The following WIPI2 variants were observed in gnomAD, a reference collection of about 807,000 sequenced individuals.
The protein encoded by WIPI2 is WD repeat domain phosphoinositide-interacting protein 2.
WIPI2 carries 28 observed loss-of-function variants against 52.3 expected under a neutral mutation model. The ratio of observed to expected loss-of-function variants is 0.54; its 90% CI spans 0.40 to 0.73. WIPI2 has a LOEUF of 0.73. Among genes scored for constraint, WIPI2 ranks in the 30% least tolerant of loss-of-function variants. The pLI, the probability that WIPI2 is intolerant of heterozygous loss-of-function variation, is 0.00. For missense variants in WIPI2, 506 were observed against 602.9 expected (o/e 0.84, Z 1.68); for synonymous variants, 268 against 245.0 (o/e 1.09, Z -0.88).
chr7:5,214,300 C>T (rs770636121), intron 3 of WIPI2: 12 of 1,517,926 alleles, frequency 7.9e-6, no homozygotes, highest in African/African-American at 2.8e-5. Context: ...CTTTGTCTTT[C>T]GTGTGAATGC....
intron 12 of WIPI2, among the ~76,000 whole-genome samples, chr7:5,229,996 C>T (rs991312884): frequency 1.3e-5 from 2 of 150,528 alleles, no homozygotes; most frequent in African/African-American, 4.9e-5. Flanking sequence ...TCTCAAACTC[C>T]TCCTGGGCTC....
chr7:5,195,435 G>A (rs1375865569), intron 2 of WIPI2, among the ~76,000 whole-genome samples: 3 of 152,206 alleles, frequency 2.0e-5, no homozygotes, highest in South Asian at 2.1e-4. Flanking sequence ...GCAGTAAGGC[G>A]AGATCGCACC....
chr7:5,194,492 A>G (rs184110088), intron 2 of WIPI2, among the ~76,000 whole-genome samples: 298 of 152,356 alleles, frequency 2.0e-3, no homozygotes, highest in Non-Finnish European at 3.5e-3. Flanking sequence ...TTGATGTTCA[A>G]TGTTCAAGTT....
Position 5,217,726 on chromosome 7 carries a change from A to G in WIPI2, c.577-196A>G. On this transcript the variant is annotated intron_variant, in intron 6 of 12. Coordinates refer to ENST00000288828, the MANE Select transcript of WIPI2 (RefSeq NM_015610.4). ...GGAACATAGAAAACCTTAGGGATAA[A>G]TTGCTTTGCTTTTTCTAAAGTTGGA... 3 of 621,662 alleles carry G rather than the reference A, an allele frequency of 4.8e-6. No homozygotes were observed. In the South Asian group the frequency reaches 5.5e-5, roughly 11 times the overall value. 38.5% of individuals were successfully genotyped at this position (621,662 alleles called of 1,614,324 possible). A position where few individuals can be genotyped will look rare whatever the true frequency, so the allele number is the denominator to read the frequency against.
chr7:5,221,974 G>A (rs76894094), intron 7 of WIPI2, among the ~76,000 whole-genome samples: 2 of 110,176 alleles, frequency 1.8e-5, no homozygotes, highest in South Asian at 2.8e-4. Context: ...TTCCCCCCCC[G>A]AGATGGAGTC....
At chr7:5,210,922 C>G (rs1189621315) in intron 3 of WIPI2, among the ~76,000 whole-genome samples, 1 of 151,702 alleles carries the variant, frequency 6.6e-6, no homozygotes, top group South Asian at 2.1e-4. Flanking sequence ...TCGCGGCTCG[C>G]ATAGAACTCA....
At chr7:5,209,704 C>G (rs1007007022) in intron 3 of WIPI2, among the ~76,000 whole-genome samples, 3 of 152,116 alleles carry the variant, frequency 2.0e-5, no homozygotes, top group African/African-American at 7.2e-5. Flanking sequence ...TTGGTGCTGT[C>G]GGTCTGGGGC....
Position 5,214,822 on chromosome 7 carries a change from C to T in WIPI2, c.381+118C>T, listed in dbSNP as rs374137050. The T allele has an allele frequency of 1.7e-4, 197 of 1,180,598 alleles. 1 individual carries two copies. The highest frequency in any genetic ancestry group is 1.4e-3 in the East Asian group (61 of 42,622). The allele number at this position is 1,180,598 out of a possible 1,614,324, so 73.1% of individuals were successfully genotyped here. On this transcript the variant is annotated intron_variant, in intron 4 of 12. Transcript: ENST00000288828. ...CCCTTGCTGCCTGGCCCCACGTTGC[C>T]GGGCACAGATCCTTGCCTACAGAGA...
chr7:5,208,945 T>A (rs544152820), intron 3 of WIPI2, among the ~76,000 whole-genome samples: 1 of 152,056 alleles, frequency 6.6e-6, no homozygotes, highest in South Asian at 2.1e-4. Flanking sequence ...TAATATTGAG[T>A]ACCCAGAATA....
rs887896476 is a variant in WIPI2, at chr7:5,232,737, TG to T, written c.*1796del. ...GAGCCACTTTTGGCAAGAGTGAGTG[TG>T]GGGGGAAAAAGTGTGCACAAGAGAT... On this transcript the variant is annotated 3_prime_UTR_variant, in exon 13 of 13. Transcript: ENST00000288828. 6 of 162,712 alleles carry T rather than the reference TG, an allele frequency of 3.7e-5. No homozygotes were observed. Among genetic ancestry groups the T allele is most frequent in the South Asian group, 4.1e-4 (2 of 4,882 alleles). The allele number at this position is 162,712 out of a possible 1,614,324, so 10.1% of individuals were successfully genotyped here.
intron 3 of WIPI2, among the ~76,000 whole-genome samples, chr7:5,211,157 CAT>C: frequency 6.6e-6 from 1 of 152,188 alleles, no homozygotes; most frequent in Non-Finnish European, 1.5e-5. Context: ...CAGCCAGGAA[CAT>C]GTGCATCATG....
chr7:5,231,000 G>A lies in WIPI2; in HGVS notation c.*53G>A, dbSNP rs34072945. 7.1e-3 allele frequency: 10,735 copies of A among 1,502,142 alleles called. 38 individuals are homozygous for A. Among genetic ancestry groups the A allele is most frequent in the Non-Finnish European group, 8.7e-3 (9,599 of 1,100,586 alleles). 93.1% of individuals were successfully genotyped at this position (1,502,142 alleles called of 1,614,324 possible). A position where few individuals can be genotyped will look rare whatever the true frequency, so the allele number is the denominator to read the frequency against. Reference sequence around the variant, plus strand: ...AGCAGAGAACACTGGCTTCACAGAGGACTTTGTGCATTGCTGCTATGAACT... The same window carrying A: ...AGCAGAGAACACTGGCTTCACAGAGAACTTTGTGCATTGCTGCTATGAACT... On this transcript the variant is annotated 3_prime_UTR_variant, in exon 13 of 13. Transcript: ENST00000288828. This position sits in a 1 kb window ranked among gnomAD's most constrained non-coding sequence, Gnocchi z 4.8.
intron 11 of WIPI2, 78 bp from the exon 12 acceptor site, chr7:5,229,530 C>T (rs1027783827): frequency 1.0e-5 from 16 of 1,525,364 alleles, no homozygotes; most frequent in African/African-American, 2.8e-5. Flanking sequence ...GCTCTGTTGC[C>T]GCAGGGCAGC....
chr7:5,197,068 C>T (rs1781773693), intron 2 of WIPI2, among the ~76,000 whole-genome samples: 2 of 126,876 alleles, frequency 1.6e-5, no homozygotes, highest in African/African-American at 6.1e-5. Context: ...GCCAGGATCG[C>T]GCTGCTGCAC....
At chr7:5,220,710 T>C (rs939668484) in intron 7 of WIPI2, among the ~76,000 whole-genome samples, 1 of 151,734 alleles carries the variant, frequency 6.6e-6, no homozygotes, top group Non-Finnish European at 1.5e-5. Context: ...TCCTGGACTC[T>C]AGTGTTTCTC....
intron 2 of WIPI2, among the ~76,000 whole-genome samples, chr7:5,198,511 G>A (rs893706796): frequency 3.6e-4 from 55 of 152,022 alleles, no homozygotes; most frequent in African/African-American, 1.2e-3. Flanking sequence ...ACAGGTTTTC[G>A]CCATGTTGGC....
chr7:5,229,827 G>T, intron 12 of WIPI2, 89 bp downstream of exon 12: 3 of 1,544,286 alleles, frequency 1.9e-6, no homozygotes, highest in Non-Finnish European at 2.6e-6. Flanking sequence ...CACCCCACCA[G>T]CTCCTCACTG....
At chr7:5,193,660 T>C (rs1247477034) in intron 2 of WIPI2, among the ~76,000 whole-genome samples, 1 of 152,220 alleles carries the variant, frequency 6.6e-6, no homozygotes, top group Non-Finnish European at 1.5e-5. Context: ...ACTGCAACTT[T>C]GAGTTCCTGG....
chr7:5,204,619 T>C (rs1247561196), intron 3 of WIPI2, among the ~76,000 whole-genome samples: 2 of 152,284 alleles, frequency 1.3e-5, no homozygotes, highest in Non-Finnish European at 2.9e-5. Flanking sequence ...TCTAGTCAGA[T>C]TTGGTCCGTA....
Sources: gnomAD v4.1 joint callset for allele counts (sites outside exome capture counted in the v4.1 genomes callset) on GRCh38, gnomAD v4.1.1 for gene constraint, Gnocchi (gnomAD v3.1) non-coding constraint, MANE v1.5 for transcripts, NCBI Gene and HGNC (gene_info 2026-07-23, HGNC 2026-07-21) for gene names.